ACER3: variants seen among roughly 807,000 people sequenced by gnomAD.
The protein encoded by ACER3 is alkaline ceramidase 3, also known as alkCDase 3.
A neutral mutation model predicts 48.9 loss-of-function variants in ACER3; 16 were observed. That is an observed-to-expected ratio of 0.33 (90% CI 0.22 to 0.50). The LOEUF (loss-of-function observed/expected upper bound fraction) is 0.50. ACER3 is among the 20% of genes least tolerant of loss of function. The pLI, the probability that ACER3 is intolerant of heterozygous loss-of-function variation, is 0.98. For missense variants in ACER3, 227 were observed against 326.0 expected, an observed-to-expected ratio of 0.70 and a Z score of 2.34; for synonymous variants, 109 against 107.8, an observed-to-expected ratio of 1.01 and a Z score of -0.07.
chr11:76,959,704 C>T (rs1239995096), intron 3 of ACER3, among the ~76,000 whole-genome samples: 2 of 152,044 alleles, frequency 1.3e-5, no homozygotes, highest in African/African-American at 4.8e-5. Context: ...AGGCACCCAC[C>T]ACCAAGCCCG....
intron 1 of ACER3, among the ~76,000 whole-genome samples, chr11:76,882,129 C>T (rs1005251628): frequency 6.6e-6 from 1 of 151,614 alleles, no homozygotes; most frequent in African/African-American, 2.4e-5. Context: ...CTCAGCCTCC[C>T]GAGTAGCTGG....
At chr11:76,971,366 C>A (rs1400034753) in intron 3 of ACER3, among the ~76,000 whole-genome samples, 1 of 151,940 alleles carries the variant, frequency 6.6e-6, no homozygotes, top group Non-Finnish European at 1.5e-5. Context: ...ATGGTGAAAC[C>A]CCGTCTCCAC....
chr11:76,896,935 G>A (rs775597805), intron 1 of ACER3, among the ~76,000 whole-genome samples: 4 of 151,614 alleles, frequency 2.6e-5, no homozygotes, highest in Non-Finnish European at 4.4e-5. Context: ...TTTTGTTGTT[G>A]TTGTTGTTGT....
chr11:76,956,344 A>G (rs1389098044), intron 2 of ACER3, among the ~76,000 whole-genome samples: 1 of 152,184 alleles, frequency 6.6e-6, no homozygotes, highest in East Asian at 1.9e-4. Context: ...AGCACTTTTT[A>G]AAAGAAAGGA....
chr11:76,924,421 C>T (rs1946763669), intron 1 of ACER3, among the ~76,000 whole-genome samples: 2 of 151,942 alleles, frequency 1.3e-5, no homozygotes, highest in Non-Finnish European at 2.9e-5. Flanking sequence ...CCAGGCTGCT[C>T]TAGAACTCCT....
chr11:76,986,843 T>A (rs958955525), intron 5 of ACER3, among the ~76,000 whole-genome samples: 1 of 152,044 alleles, frequency 6.6e-6, no homozygotes. Context: ...GGCTGGTGGA[T>A]CACCTTGAGG....
intron 2 of ACER3, among the ~76,000 whole-genome samples, chr11:76,934,490 A>G (rs1294369126): frequency 6.6e-6 from 1 of 152,276 alleles, no homozygotes; most frequent in African/African-American, 2.4e-5. Flanking sequence ...GCTGGAGACC[A>G]GCCCGGCCAA....
chr11:76,875,129 T>TTTTG (rs1945339153), intron 1 of ACER3, among the ~76,000 whole-genome samples: 1 of 134,920 alleles, frequency 7.4e-6, no homozygotes, highest in Non-Finnish European at 1.5e-5. Flanking sequence ...TTTTTTTTTT[T>TTTTG]TTTTAGATGG....
chr11:76,912,316 C>T (rs1393094314), intron 1 of ACER3, among the ~76,000 whole-genome samples: 3 of 152,080 alleles, frequency 2.0e-5, no homozygotes, highest in Non-Finnish European at 4.4e-5. Flanking sequence ...TAGAAGGAAC[C>T]ACCCCTGCTG....
chr11:76,877,262 G>T (rs186962750), intron 1 of ACER3, among the ~76,000 whole-genome samples: 4 of 152,054 alleles, frequency 2.6e-5, no homozygotes, highest in African/African-American at 2.4e-5. Context: ...GTAGACTCTC[G>T]CTCTAACATA....
chr11:76,974,777 A>C (rs199521482), intron 3 of ACER3, among the ~76,000 whole-genome samples: 2 of 15,872 alleles, frequency 1.3e-4, no homozygotes, highest in South Asian at 3.2e-3. Flanking sequence ...TGAAGGGGTT[A>C]AAAAAAAAGG....
intron 2 of ACER3, among the ~76,000 whole-genome samples, chr11:76,957,946 T>TC (rs1218468734): frequency 6.6e-6 from 1 of 151,428 alleles, no homozygotes; most frequent in Non-Finnish European, 1.5e-5. Context: ...CTTTTTATTT[T>TC]TTAATTTTAT....
chr11:76,893,853 T>G (rs1945867600), intron 1 of ACER3, among the ~76,000 whole-genome samples: 1 of 152,240 alleles, frequency 6.6e-6, no homozygotes, highest in Non-Finnish European at 1.5e-5. Context: ...GTTTTTCTGC[T>G]TTAAAATGTC....
At chr11:76,907,078 T>TC (rs372772363) in intron 1 of ACER3, among the ~76,000 whole-genome samples, 12 of 152,378 alleles carry the variant, frequency 7.9e-5, no homozygotes, top group Admixed American at 5.2e-4. Flanking sequence ...CTGTTTTTTT[T>TC]CACCCTTTTT....
At chr11:76,885,150 C>A (rs987943925) in intron 1 of ACER3, among the ~76,000 whole-genome samples, 4 of 152,196 alleles carry the variant, frequency 2.6e-5, no homozygotes, top group Admixed American at 6.5e-5. Flanking sequence ...TCTTTACTTA[C>A]AACCTTTCTG....
At chr11:76,943,913 CTTTT>C (rs56017014) in intron 2 of ACER3, among the ~76,000 whole-genome samples, 4 of 147,330 alleles carry the variant, frequency 2.7e-5, no homozygotes, top group Non-Finnish European at 3.0e-5. Context: ...GACCTTTGTC[CTTTT>C]TTTTTTTTTA....
chr11:76,972,744 C>T (rs931606030), intron 3 of ACER3, among the ~76,000 whole-genome samples: 4 of 152,014 alleles, frequency 2.6e-5, no homozygotes, highest in African/African-American at 7.3e-5. Flanking sequence ...GTGTCTCCCT[C>T]GAGGCTTCCT....
At chr11:76,864,670 G>A in intron 1 of ACER3, among the ~76,000 whole-genome samples, 1 of 143,392 alleles carries the variant, frequency 7.0e-6, no homozygotes, top group Non-Finnish European at 1.5e-5. Flanking sequence ...CGCGATCTCG[G>A]CTCACTGCAA....
At chr11:76,915,381 G>C (rs1946499248) in intron 1 of ACER3, among the ~76,000 whole-genome samples, 1 of 151,908 alleles carries the variant, frequency 6.6e-6, no homozygotes, top group African/African-American at 2.4e-5. Flanking sequence ...AGTGTGTTCA[G>C]GGAGTTATAC....
Sources: allele counts gnomAD v4.1 joint callset (sites outside exome capture counted in the v4.1 genomes callset), GRCh38; gene constraint gnomAD v4.1.1; transcripts MANE v1.5; gene names NCBI Gene and HGNC (gene_info 2026-07-23, HGNC 2026-07-21).